Variants in SYT17 observed in about 807,000 individuals in gnomAD.
The protein encoded by SYT17 is synaptotagmin 17, also known as synaptotagmin-17.
In SYT17, 22 loss-of-function variants were observed where a neutral mutation model predicts 46.7. The ratio of observed to expected loss-of-function variants is 0.47; its 90% CI spans 0.34 to 0.67. The LOEUF (loss-of-function observed/expected upper bound fraction) is 0.67. Among genes scored for constraint, SYT17 ranks in the 30% least tolerant of loss-of-function variants. The pLI, the probability that SYT17 is intolerant of heterozygous loss-of-function variation, is 0.01. For missense variants in SYT17, 519 were observed against 612.8 expected (o/e 0.85, Z 1.62); for synonymous variants, 251 against 248.4 (o/e 1.01, Z -0.10).
Position 19,184,163 on chromosome 16 carries a change from G to C in SYT17, c.951+16G>C. On this transcript the variant is annotated intron_variant, in intron 5 of 7. Coordinates refer to ENST00000355377, the MANE Select transcript of SYT17 (RefSeq NM_016524.4). ...CAGTTCTCAGGTAAGGGATGGGTTT[G>C]TGGTGTTTCCTCCTGGGAGCTTTTT... 1 of 1,594,394 alleles carries C rather than the reference G, an allele frequency of 6.3e-7. No homozygotes were observed.
intron 5 of SYT17, among the ~76,000 whole-genome samples, chr16:19,204,606 A>C (rs1965595353): frequency 6.6e-6 from 1 of 151,984 alleles, no homozygotes; most frequent in Non-Finnish European, 1.5e-5. Flanking sequence ...CAGTGGACTT[A>C]ACTAAAGATC....
chr16:19,235,298 T>G (rs151239394), intron 7 of SYT17, among the ~76,000 whole-genome samples: 2 of 152,098 alleles, frequency 1.3e-5, no homozygotes. Flanking sequence ...AAAACCAAAC[T>G]ATAGGGTGGC....
intron 1 of SYT17, chr16:19,171,331 G>GATGATT (rs1964083719): frequency 6.4e-6 from 1 of 155,840 alleles, no homozygotes; most frequent in Non-Finnish European, 1.4e-5. Flanking sequence ...TGATGATTAT[G>GATGATT]ATTATTATTT....
chr16:19,249,903 G>A (rs759186679), intron 7 of SYT17: 2 of 1,532,942 alleles, frequency 1.3e-6, no homozygotes. Flanking sequence ...TCACTCCCTT[G>A]TCCCCAGCAG....
chr16:19,267,938 G>GTGTA lies in SYT17; in HGVS notation c.*865_*866insATGT, dbSNP rs1491512341. 4.1e-5 allele frequency: 3 copies of GTGTA among 72,534 alleles called. No homozygotes were observed. The highest frequency in any genetic ancestry group is 7.3e-5 in the Non-Finnish European group (3 of 40,852). 4.5% of individuals were successfully genotyped at this position (72,534 alleles called of 1,614,324 possible). A position where few individuals can be genotyped will look rare whatever the true frequency, so the allele number is the denominator to read the frequency against. ...AGAGATCCCACTTTGGATAAAAGTA[G>GTGTA]TGTGTGTGTGTGTGTGTGTGTGTGT... On this transcript the variant is annotated 3_prime_UTR_variant, in exon 8 of 8. Transcript: ENST00000355377.
chr16:19,231,516 T>G (rs1463145729), intron 7 of SYT17, among the ~76,000 whole-genome samples: 1 of 62,012 alleles, frequency 1.6e-5, no homozygotes, highest in Non-Finnish European at 2.8e-5. Context: ...AGAGTGAAAC[T>G]CCATCACAAA....
At chr16:19,240,022 GC>G (rs1341924598) in intron 7 of SYT17, among the ~76,000 whole-genome samples, 1 of 152,218 alleles carries the variant, frequency 6.6e-6, no homozygotes, top group African/African-American at 2.4e-5. Flanking sequence ...ACACAGTGGT[GC>G]CCAGAAGCTT....
intron 7 of SYT17, among the ~76,000 whole-genome samples, chr16:19,225,556 G>T (rs1966469933): frequency 6.6e-6 from 1 of 152,318 alleles, no homozygotes; most frequent in Admixed American, 6.5e-5. Context: ...AAGCTTTGCT[G>T]TATAGTTCTG....
At chr16:19,173,675 A>C in intron 3 of SYT17, 97 bp downstream of exon 3, 1 of 1,345,684 alleles carries the variant, frequency 7.4e-7, no homozygotes, top group Non-Finnish European at 1.0e-6. Context: ...GGGAGGGAGG[A>C]TTTGGGGGCA....
chr16:19,212,656 G>C (rs1965951127), intron 5 of SYT17, among the ~76,000 whole-genome samples: 1 of 152,174 alleles, frequency 6.6e-6, no homozygotes, highest in South Asian at 2.1e-4. Context: ...ACGGGGAAGT[G>C]AGGTAATGGC....
chr16:19,172,508 T>A, intron 1 of SYT17: 1 of 1,490,976 alleles, frequency 6.7e-7, no homozygotes. Context: ...ATCGAAATGC[T>A]AAAGTTTCCC....
chr16:19,258,686 A>G (rs998565938), intron 7 of SYT17, among the ~76,000 whole-genome samples: 1 of 152,142 alleles, frequency 6.6e-6, no homozygotes, highest in African/African-American at 2.4e-5. Flanking sequence ...GAGATGGAGG[A>G]ATTGCTACTG....
At position 19,224,879 on chromosome 16, in the gene SYT17, A is replaced by G. The variant is rs961823651; in HGVS notation, c.1228+41A>G. The G allele has an allele frequency of 3.1e-6, 5 of 1,609,276 alleles. No individual in the cohort carries two copies. In the African/African-American group the frequency reaches 5.3e-5, roughly 17 times the overall value. ...AAACCCGATGAACTCCAGGTGAGGC[A>G]CGTCAAACTTACTGTCCTAGAGCCA... On this transcript the variant is annotated intron_variant, in intron 7 of 7. Coordinates refer to ENST00000355377, the MANE Select transcript of SYT17 (RefSeq NM_016524.4).
At chr16:19,198,195 A>G (rs1013826619) in intron 5 of SYT17, among the ~76,000 whole-genome samples, 3 of 152,196 alleles carry the variant, frequency 2.0e-5, no homozygotes, top group Non-Finnish European at 2.9e-5. Context: ...GACCAGTGTC[A>G]TAAGTTAGAA....
chr16:19,203,335 AC>A (rs1390983262), intron 5 of SYT17, among the ~76,000 whole-genome samples: 2 of 86,042 alleles, frequency 2.3e-5, no homozygotes, highest in East Asian at 4.3e-4. Flanking sequence ...TACTAACAAT[AC>A]AAAAAAAAAA....
intron 7 of SYT17, among the ~76,000 whole-genome samples, chr16:19,258,260 A>G (rs2143000564): frequency 1.3e-5 from 2 of 151,738 alleles, no homozygotes; most frequent in East Asian, 3.9e-4. Context: ...CACTTCTCAA[A>G]TGTGGGAGGT....
rs201479500 is a variant in SYT17 at position 19,183,632 on chromosome 16, C to T, written c.436C>T (p.Arg146Trp). 40 of 1,614,170 alleles carry T rather than the reference C, an allele frequency of 2.5e-5. No individual in the cohort carries two copies. The highest frequency in any genetic ancestry group is 1.6e-4 in the African/African-American group (12 of 75,042). ...KEPIQPSVLRRTYNPDDYFRK... is the reference protein window; with the variant it reads ...KEPIQPSVLRWTYNPDDYFRK... ...GCCCATCCAACCTTCGGTGCTCAGA[C>T]GGACCTATAACCCCGACGACTATTT... is the stretch of plus-strand genomic sequence containing the variant. The change falls in exon 5 of 8, where the codon CGG becomes TGG. Residue 146 changes from arginine to tryptophan, a missense_variant. By Grantham distance (101) the Arg-to-Trp change is moderately radical. Transcript: ENST00000355377. The surrounding 1 kb of genome is among the most constrained non-coding windows in gnomAD (Gnocchi z 5.6).
intron 5 of SYT17, among the ~76,000 whole-genome samples, chr16:19,208,884 C>CTTTTTTTTTTTTTTTTTTTTTT (rs1191498524): frequency 1.6e-5 from 1 of 63,284 alleles, no homozygotes; most frequent in African/African-American, 7.1e-5. Flanking sequence ...CAAGGACCTT[C>CTTTTTTTTTTTTTTTTTTTTTT]TTTTTTTTTT....
At chr16:19,207,398 G>T (rs953690138) in intron 5 of SYT17, among the ~76,000 whole-genome samples, 2 of 152,150 alleles carry the variant, frequency 1.3e-5, no homozygotes, top group Admixed American at 6.5e-5. Context: ...TAAAGAAGAG[G>T]TTTAATTGAC....
Sources: allele counts gnomAD v4.1 joint callset (sites outside exome capture counted in the v4.1 genomes callset), GRCh38; gene constraint gnomAD v4.1.1; non-coding constraint Gnocchi (gnomAD v3.1); transcripts MANE v1.5; gene names NCBI Gene and HGNC (gene_info 2026-07-23, HGNC 2026-07-21).